NRG3: variants seen among roughly 807,000 people sequenced by gnomAD.
NRG3 encodes neuregulin 3.
In NRG3, 31 loss-of-function variants were observed where a neutral mutation model predicts 66.9. That is an observed-to-expected ratio of 0.46 (90% confidence interval 0.35 to 0.63). The LOEUF (loss-of-function observed/expected upper bound fraction) is 0.63, where lower values mean the gene tolerates loss of function less well. NRG3 is among the 20% of genes least tolerant of loss of function. The probability of loss-of-function intolerance (pLI) is 0.00; values close to 1 mark genes in which losing one functional copy is unlikely to be tolerated. For missense variants in NRG3, 910 were observed against 878.9 expected (o/e 1.04, Z -0.45); for synonymous variants, 393 against 359.4 (o/e 1.09, Z -1.06).
intron 4 of NRG3, among the ~76,000 whole-genome samples, chr10:82,937,596 T>A (rs1848205974): frequency 6.6e-6 from 1 of 152,216 alleles, no homozygotes; most frequent in Admixed American, 6.5e-5. Flanking sequence ...ACTTTGGCAC[T>A]GCCGGAAGGT....
chr10:82,313,286 G>A (rs891858776), intron 1 of NRG3, among the ~76,000 whole-genome samples: 21 of 151,988 alleles, frequency 1.4e-4, no homozygotes, highest in African/African-American at 4.8e-5. Flanking sequence ...GCAGGGAGCC[G>A]AGATAGTGTC....
chr10:82,564,096 A>G (rs2045235466), intron 2 of NRG3, among the ~76,000 whole-genome samples: 1 of 152,132 alleles, frequency 6.6e-6, no homozygotes, highest in Non-Finnish European at 1.5e-5. Context: ...TTTCTCAGGT[A>G]TGTAGTTAAC....
intron 1 of NRG3, among the ~76,000 whole-genome samples, chr10:82,086,590 A>G (rs2065738972): frequency 6.6e-6 from 1 of 152,150 alleles, no homozygotes; most frequent in Non-Finnish European, 1.5e-5. Context: ...GATTAACACA[A>G]TTGAAATAAC....
At chr10:82,629,484 AG>A (rs2049663467) in intron 2 of NRG3, among the ~76,000 whole-genome samples, 1 of 152,252 alleles carries the variant, frequency 6.6e-6, no homozygotes, top group Non-Finnish European at 1.5e-5. Flanking sequence ...AGAGTGCTGT[AG>A]GTGTGTACAT....
chr10:82,775,033 G>T (rs1224089877), intron 3 of NRG3, among the ~76,000 whole-genome samples: 4 of 151,272 alleles, frequency 2.6e-5, no homozygotes, highest in Admixed American at 6.6e-5. Flanking sequence ...TGCCATGTTG[G>T]CCAGGCTGGT....
chr10:82,714,912 G>C (rs1444532551), intron 2 of NRG3, among the ~76,000 whole-genome samples: 1 of 152,052 alleles, frequency 6.6e-6, no homozygotes, highest in East Asian at 1.9e-4. Context: ...TATTATTTCT[G>C]TGTATTCTTA....
intron 1 of NRG3, among the ~76,000 whole-genome samples, chr10:82,130,379 C>A (rs1814216): frequency 0.017 from 2,635 of 151,742 alleles, 81 homozygotes; most frequent in African/African-American, 0.06. Flanking sequence ...CCTCCCCTCT[C>A]CCCCAACCCC....
chr10:82,112,848 T>A (rs975509650), intron 1 of NRG3, among the ~76,000 whole-genome samples: 3 of 152,126 alleles, frequency 2.0e-5, no homozygotes, highest in Non-Finnish European at 4.4e-5. Flanking sequence ...CACAGCCTCC[T>A]GAGAGAAGGC....
intron 3 of NRG3, among the ~76,000 whole-genome samples, chr10:82,802,415 C>G (rs901813197): frequency 6.6e-6 from 1 of 152,126 alleles, no homozygotes; most frequent in Non-Finnish European, 1.5e-5. Flanking sequence ...AACAAACATG[C>G]TGATCAAGGG....
intron 2 of NRG3, among the ~76,000 whole-genome samples, chr10:82,497,546 T>G (rs1433255773): frequency 2.6e-5 from 4 of 152,074 alleles, no homozygotes; most frequent in African/African-American, 9.7e-5. Context: ...TGGCAGAATC[T>G]TCTTCTTTTT....
chr10:82,195,631 AC>A (rs1304922985), intron 1 of NRG3, among the ~76,000 whole-genome samples: 1 of 152,140 alleles, frequency 6.6e-6, no homozygotes. Flanking sequence ...CCATGCCCCA[AC>A]CCCCAGAACA....
At chr10:82,007,329 C>T (rs2061412542) in intron 1 of NRG3, among the ~76,000 whole-genome samples, 1 of 151,298 alleles carries the variant, frequency 6.6e-6, no homozygotes, top group Non-Finnish European at 1.5e-5. Context: ...CCTGCCTCAG[C>T]CTCCCAAGTA....
intron 2 of NRG3, among the ~76,000 whole-genome samples, chr10:82,581,571 A>G (rs188097130): frequency 5.8e-4 from 89 of 152,150 alleles, no homozygotes; most frequent in Middle Eastern, 3.4e-3. Flanking sequence ...ATGTGTGGGG[A>G]TGAGGAGAAT....
intron 3 of NRG3, among the ~76,000 whole-genome samples, chr10:82,795,203 TAAC>T (rs2060749627): frequency 6.6e-6 from 1 of 152,214 alleles, no homozygotes; most frequent in African/African-American, 2.4e-5. Flanking sequence ...TTTATTGGTA[TAAC>T]AGAGGTATAA....
chr10:82,807,263 G>A (rs1432257818), intron 3 of NRG3, among the ~76,000 whole-genome samples: 1 of 152,150 alleles, frequency 6.6e-6, no homozygotes, highest in Non-Finnish European at 1.5e-5. Context: ...GGGGCATCTT[G>A]ACTTACATGT....
At chr10:82,978,802 ATAC>A in intron 7 of NRG3, 145 bp from the exon 8 acceptor site, 2 of 718,018 alleles carry the variant, frequency 2.8e-6, no homozygotes, top group Non-Finnish European at 4.6e-6. Flanking sequence ...TCTACCACAT[ATAC>A]TTCATTCAGG....
intron 2 of NRG3, among the ~76,000 whole-genome samples, chr10:82,417,904 G>C (rs1441380294): frequency 6.6e-6 from 1 of 152,214 alleles, no homozygotes; most frequent in African/African-American, 2.4e-5. Flanking sequence ...CTGGCACACT[G>C]GTTAGGTGAA....
chr10:82,473,992 A>G lies in NRG3; in HGVS notation c.953+115124A>G, dbSNP rs114952837. On this transcript the variant is annotated intron_variant, in intron 2 of 8. Transcript: ENST00000372141. ...ATAAGACATTTAAAAACTATCATGT[A>G]TATGAAGAATTGGGGGAAAAAATGA... Among the ~76,000 whole-genome samples the G allele has an allele frequency of 5.2e-3, 799 of 152,198 alleles. 7 individuals are homozygous for G. The highest frequency in any genetic ancestry group is 0.018 in the African/African-American group (752 of 41,542).
intron 2 of NRG3, among the ~76,000 whole-genome samples, chr10:82,575,751 A>G (rs1336862126): frequency 6.6e-6 from 1 of 151,808 alleles, no homozygotes; most frequent in Non-Finnish European, 1.5e-5. Context: ...AGATCATTTG[A>G]TATCAGAAGA....
Sources: gnomAD v4.1 joint callset for allele counts (sites outside exome capture counted in the v4.1 genomes callset) on GRCh38, gnomAD v4.1.1 for gene constraint, MANE v1.5 for transcripts, NCBI Gene and HGNC (gene_info 2026-07-23, HGNC 2026-07-21) for gene names.